Variants in AGBL1 observed in about 807,000 individuals in gnomAD.
AGBL1 encodes cytosolic carboxypeptidase 4.
AGBL1 carries 130 observed loss-of-function variants against 118.9 expected under a neutral mutation model. The observed-to-expected ratio is 1.09, with a 90% CI of 0.95 to 1.26. The LOEUF is 1.26. Ranked by LOEUF, AGBL1 falls within the 50% of genes most tolerant of loss-of-function variation. The pLI is 0.00. For missense variants in AGBL1, 1,584 were observed against 1,298.1 expected (o/e 1.22, Z -3.38); for synonymous variants, 555 against 478.9 (o/e 1.16, Z -2.08).
chr15:86,270,767 G>A (rs2079147394), intron 14 of AGBL1, among the ~76,000 whole-genome samples: 1 of 152,170 alleles, frequency 6.6e-6, no homozygotes, highest in East Asian at 1.9e-4. Context: ...TATGGCTATT[G>A]TAACAAATTG....
chr15:86,955,944 G>A (rs2080926030), intron 23 of AGBL1, among the ~76,000 whole-genome samples: 1 of 151,994 alleles, frequency 6.6e-6, no homozygotes, highest in African/African-American at 2.4e-5. Flanking sequence ...ATGAAGCCAG[G>A]GTTTTACAAA....
In AGBL1 at chr15:86,777,984, G is replaced by A. The variant is rs868823791; in HGVS notation, c.3158+103548G>A. Reference sequence around the variant, plus strand: ...GCGAAGTTCACCCCCAATATTTCATGTAGGTTCTTTTCTATGTTCCCTAAG... The same window carrying A: ...GCGAAGTTCACCCCCAATATTTCATATAGGTTCTTTTCTATGTTCCCTAAG... On this transcript the variant is annotated intron_variant, in intron 22 of 22. Transcript: ENST00000614907. Among the ~76,000 whole-genome samples the A allele has an allele frequency of 7.9e-5, 12 of 152,134 alleles. No homozygotes were observed. The South Asian group carries it at 2.5e-3, about 32-fold the overall frequency.
In AGBL1 at chr15:86,677,593, G is replaced by A. The variant is rs950256831; in HGVS notation, c.3158+3157G>A. 2.0e-5 allele frequency among the ~76,000 whole-genome samples: 3 copies of A among 151,948 alleles called. No homozygotes were observed. In the East Asian group the frequency reaches 5.8e-4, roughly 29 times the overall value. On this transcript the variant is annotated intron_variant, in intron 22 of 22. Coordinates refer to ENST00000614907, the MANE Select transcript of AGBL1 (RefSeq NM_001386094.1). Reference sequence around the variant, plus strand: ...CCACTGCCTCTTGCTCTTCTCAGCCGAGCCCCCCACCTCCATTTGTCCCTC... The same window carrying A: ...CCACTGCCTCTTGCTCTTCTCAGCCAAGCCCCCCACCTCCATTTGTCCCTC...
chr15:86,613,381 C>T lies in AGBL1; in HGVS notation c.2994+58844C>T, dbSNP rs955958682. Among the ~76,000 whole-genome samples, 1 of 152,082 alleles carries T rather than the reference C, an allele frequency of 6.6e-6. No homozygotes were observed. Among genetic ancestry groups the T allele is most frequent in the African/African-American group, 2.4e-5 (1 of 41,406 alleles). On this transcript the variant is annotated intron_variant, in intron 21 of 22. Coordinates refer to ENST00000614907, the MANE Select transcript of AGBL1 (RefSeq NM_001386094.1). The surrounding 1 kb of genome is among the most constrained non-coding windows in gnomAD (Gnocchi z 4.2). ...AGTAGGACACCGGTTGGTGCGTGGA[C>T]AGTTAGTGGGTGAGAAGACAGTGTC... is the stretch of plus-strand genomic sequence containing the variant.
At chr15:86,220,020 T>C (rs1048920369) in intron 5 of AGBL1, among the ~76,000 whole-genome samples, 1 of 148,180 alleles carries the variant, frequency 6.7e-6, no homozygotes, top group African/African-American at 2.5e-5. Flanking sequence ...GGCACAATCT[T>C]GGTTCACTGC....
rs185431311 is a variant in AGBL1 at position 86,200,062 on chromosome 15, A to G, written c.489-24852A>G. On this transcript the variant is annotated intron_variant, in intron 5 of 22. Transcript: ENST00000614907. ...AGATTATTCTGAAAATCCAATTTCC[A>G]TGCAAACGCTGTTAATTGTTATACA... Among the ~76,000 whole-genome samples the G allele has an allele frequency of 1.8e-4, 27 of 152,344 alleles. No individual in the cohort carries two copies. The East Asian group carries it at 2.9e-3, about 16-fold the overall frequency.
intron 5 of AGBL1, among the ~76,000 whole-genome samples, chr15:86,192,313 A>G (rs2077736333): frequency 6.7e-6 from 1 of 150,006 alleles, no homozygotes; most frequent in Non-Finnish European, 1.5e-5. Context: ...ATTTTATTAT[A>G]TATTTATATA....
chr15:86,282,228 A>C (rs1389213795), intron 16 of AGBL1, among the ~76,000 whole-genome samples: 1 of 152,162 alleles, frequency 6.6e-6, no homozygotes, highest in African/African-American at 2.4e-5. Context: ...AGGGAAACAA[A>C]ACACACAAAA....
intron 19 of AGBL1, among the ~76,000 whole-genome samples, chr15:86,525,748 G>A (rs1173551034): frequency 1.3e-5 from 2 of 152,120 alleles, no homozygotes; most frequent in Non-Finnish European, 2.9e-5. Context: ...TAAGATCTGA[G>A]TCTGTAAAAA....
chr15:86,090,931 G>T (rs1397909999), intron 1 of AGBL1, among the ~76,000 whole-genome samples: 1 of 152,036 alleles, frequency 6.6e-6, no homozygotes, highest in Non-Finnish European at 1.5e-5. Context: ...TTTACTGGAA[G>T]GCCTCATTTC....
chr15:86,110,050 T>C (rs1354206241), intron 1 of AGBL1: 2 of 152,232 alleles, frequency 1.3e-5, no homozygotes, highest in Non-Finnish European at 2.9e-5. Flanking sequence ...CAAAATCATA[T>C]GTCTATGTAA....
intron 6 of AGBL1, among the ~76,000 whole-genome samples, chr15:86,229,438 G>C (rs2078420283): frequency 6.6e-6 from 1 of 152,118 alleles, no homozygotes; most frequent in African/African-American, 2.4e-5. Context: ...ACTATCAGGA[G>C]AACAGCATGA....
intron 21 of AGBL1, among the ~76,000 whole-genome samples, chr15:86,643,280 A>G (rs1000288420): frequency 5.7e-4 from 87 of 152,172 alleles, no homozygotes; most frequent in Non-Finnish European, 4.7e-4. Flanking sequence ...TTATTGATCA[A>G]TTTAGGTTTC....
At chr15:86,176,023 C>G (rs1021084021) in intron 5 of AGBL1, among the ~76,000 whole-genome samples, 2 of 152,120 alleles carry the variant, frequency 1.3e-5, no homozygotes, top group Admixed American at 6.5e-5. Flanking sequence ...CAGTCTAAAT[C>G]CAATGTTTTT....
chr15:86,682,560 TCA>T, intron 22 of AGBL1, among the ~76,000 whole-genome samples: 1 of 152,276 alleles, frequency 6.6e-6, no homozygotes, highest in South Asian at 2.1e-4. Context: ...TAAAAATCTC[TCA>T]TTTGATCCTC....
chr15:86,247,622 G>A (rs1201659933), intron 6 of AGBL1, 49 bp from the exon 7 acceptor site: 18 of 1,501,356 alleles, frequency 1.2e-5, no homozygotes, highest in South Asian at 2.4e-5. Context: ...TCAAAGAGGT[G>A]TGGCTGTGGA....
At chr15:86,293,987 T>C (rs2079590665) in intron 16 of AGBL1, among the ~76,000 whole-genome samples, 1 of 152,150 alleles carries the variant, frequency 6.6e-6, no homozygotes, top group East Asian at 1.9e-4. Flanking sequence ...TTTCCCTCTC[T>C]GGTTACTGAA....
chr15:86,113,232 CTTTTCTTTTCTTTTCTTTTCT>C (rs1897519515), intron 1 of AGBL1, among the ~76,000 whole-genome samples: 7 of 88,806 alleles, frequency 7.9e-5, no homozygotes, highest in African/African-American at 2.1e-4. Context: ...CTTTTCTTTT[CTTTTCTTTTCTTTTCTTTTCT>C]TTTCTTTCTT....
At chr15:86,621,957 G>A (rs553673494) in intron 21 of AGBL1, among the ~76,000 whole-genome samples, 4 of 152,132 alleles carry the variant, frequency 2.6e-5, no homozygotes, top group South Asian at 2.1e-4. Context: ...GAGATCTAGC[G>A]TTACATCACT....
Sources: allele counts gnomAD v4.1 joint callset (sites outside exome capture counted in the v4.1 genomes callset), GRCh38; gene constraint gnomAD v4.1.1; non-coding constraint Gnocchi (gnomAD v3.1); transcripts MANE v1.5; gene names NCBI Gene and HGNC (gene_info 2026-07-23, HGNC 2026-07-21).